Variants in TNR observed in about 807,000 individuals in gnomAD.
TNR encodes tenascin R, also known as tenascin-R.
TNR carries 45 observed loss-of-function variants against 150.4 expected under a neutral mutation model. The ratio of observed to expected loss-of-function variants is 0.30; its 90% CI spans 0.24 to 0.38. The LOEUF (loss-of-function observed/expected upper bound fraction) is 0.38. TNR is among the 10% of genes least tolerant of loss of function. TNR has a pLI of 1.00. For synonymous variants in TNR, 687 were observed against 678.4 expected, an observed-to-expected ratio of 1.01 and a Z score of -0.20; for missense variants, 1,544 against 1,759.1, an observed-to-expected ratio of 0.88 and a Z score of 2.19.
At chr1:175,370,743 A>G (rs1652065376) in intron 9 of TNR, among the ~76,000 whole-genome samples, 1 of 152,214 alleles carries the variant, frequency 6.6e-6, no homozygotes, top group Non-Finnish European at 1.5e-5. Flanking sequence ...AAATTCTCCA[A>G]CATAGATGAA....
intron 1 of TNR, among the ~76,000 whole-genome samples, chr1:175,630,489 A>T (rs1474108393): frequency 6.6e-6 from 1 of 152,220 alleles, no homozygotes; most frequent in Non-Finnish European, 1.5e-5. Context: ...GGCGCTGTAC[A>T]TACTTCACTA....
intron 20 of TNR, among the ~76,000 whole-genome samples, chr1:175,332,520 C>G (rs1480726936): frequency 6.6e-6 from 1 of 152,204 alleles, no homozygotes; most frequent in East Asian, 1.9e-4. Context: ...TGCTTCCAAA[C>G]TACACCACAC....
At chr1:175,494,826 T>C (rs1350006159) in intron 2 of TNR, among the ~76,000 whole-genome samples, 1 of 152,178 alleles carries the variant, frequency 6.6e-6, no homozygotes, top group Non-Finnish European at 1.5e-5. Context: ...CTAGACTCTT[T>C]CTAAGGGATA....
chr1:175,523,328 G>A (rs1005897970), intron 2 of TNR, among the ~76,000 whole-genome samples: 1 of 152,208 alleles, frequency 6.6e-6, no homozygotes, highest in Non-Finnish European at 1.5e-5. Context: ...ACACAATTAT[G>A]CAAATGATGA....
At position 175,599,794 on chromosome 1, in the gene TNR, C is replaced by T. The variant is rs1404129298; in HGVS notation, c.-164-71425G>A. Among the ~76,000 whole-genome samples, 2 of 152,220 alleles carry T rather than the reference C, an allele frequency of 1.3e-5. No homozygotes were observed. Among genetic ancestry groups the T allele is most frequent in the Non-Finnish European group, 2.9e-5 (2 of 68,042 alleles). ...GCAGTCTCACAACCGTTTTCTGTCCCACTTGAAACCAGAAAATACACTTCC... is the reference window on the plus strand; with the variant it reads ...GCAGTCTCACAACCGTTTTCTGTCCTACTTGAAACCAGAAAATACACTTCC... On this transcript the variant is annotated intron_variant, in intron 1 of 22. Transcript: ENST00000367674. This position sits in a 1 kb window ranked among gnomAD's most constrained non-coding sequence, Gnocchi z 4.7.
intron 1 of TNR, among the ~76,000 whole-genome samples, chr1:175,585,747 G>A (rs1354106702): frequency 6.6e-6 from 1 of 152,172 alleles, no homozygotes; most frequent in South Asian, 2.1e-4. Flanking sequence ...CACATGGTCA[G>A]CCTCCCACTT....
intron 1 of TNR, among the ~76,000 whole-genome samples, chr1:175,567,336 C>T (rs756179412): frequency 2.0e-5 from 3 of 152,176 alleles, no homozygotes; most frequent in Non-Finnish European, 4.4e-5. Context: ...GCTGACAGTG[C>T]TGCGGGCTGA....
At chr1:175,361,928 G>T (rs140896806) in intron 14 of TNR, among the ~76,000 whole-genome samples, 1 of 152,286 alleles carries the variant, frequency 6.6e-6, no homozygotes, top group East Asian at 1.9e-4. Flanking sequence ...CATTGCGTGG[G>T]CTTGTTTTCA....
At position 175,508,890 on chromosome 1, in the gene TNR, A is replaced by G. The variant is rs80320003; in HGVS notation, c.-64+19379T>C. On this transcript the variant is annotated intron_variant, in intron 2 of 22. Coordinates refer to ENST00000367674, the MANE Select transcript of TNR (RefSeq NM_003285.3). ...TTAATACAATCATGTACTCAAAACG[A>G]CTTTCTTGTACTTCTCCCTTCTGAC... 5.4e-3 allele frequency among the ~76,000 whole-genome samples: 816 copies of G among 152,158 alleles called. 8 individuals are homozygous for G. The highest frequency in any genetic ancestry group is 0.016 in the African/African-American group (675 of 41,492).
At chr1:175,742,095 T>TG (rs1013131306) in intron 1 of TNR, among the ~76,000 whole-genome samples, 5 of 152,090 alleles carry the variant, frequency 3.3e-5, no homozygotes, top group Admixed American at 2.6e-4. Context: ...CAGGACTGAA[T>TG]GGGGCAGGGG....
intron 1 of TNR, among the ~76,000 whole-genome samples, chr1:175,702,717 G>A (rs1571769229): frequency 1.3e-5 from 2 of 152,326 alleles, no homozygotes; most frequent in East Asian, 3.9e-4. Context: ...CGAGATTTGG[G>A]GTTAGATGTG....
chr1:175,558,273 AAT>A (rs1491012298), intron 1 of TNR, among the ~76,000 whole-genome samples: 70 of 81,406 alleles, frequency 8.6e-4, no homozygotes, highest in Middle Eastern at 6.0e-3. Context: ...AAAGTATAAT[AAT>A]AAAAAAAAAA....
chr1:175,398,378 A>G (rs756118183), intron 4 of TNR, among the ~76,000 whole-genome samples: 1 of 152,240 alleles, frequency 6.6e-6, no homozygotes, highest in Non-Finnish European at 1.5e-5. Flanking sequence ...ATAAAACTCA[A>G]GAAGTGTAAA....
At position 175,576,496 on chromosome 1, in the gene TNR, T is replaced by C. The variant is rs1200548691; in HGVS notation, c.-164-48127A>G. The stretch of plus-strand genomic sequence containing the variant: ...CATCTATCACCAATGATCAGAAATA[T>C]TCTTTCAGGACCAGCCCTGACTGTA... On this transcript the variant is annotated intron_variant, in intron 1 of 22. Transcript: ENST00000367674. 2.0e-5 allele frequency among the ~76,000 whole-genome samples: 3 copies of C among 152,146 alleles called. No homozygotes were observed. In the East Asian group the frequency reaches 5.8e-4, roughly 29 times the overall value.
chr1:175,567,211 T>G (rs1366861053), intron 1 of TNR, among the ~76,000 whole-genome samples: 1 of 152,162 alleles, frequency 6.6e-6, no homozygotes, highest in Non-Finnish European at 1.5e-5. Context: ...GGAACAATAT[T>G]TAAGTGTAAA....
At chr1:175,470,476 C>T (rs1417093665) in intron 2 of TNR, among the ~76,000 whole-genome samples, 2 of 152,020 alleles carry the variant, frequency 1.3e-5, no homozygotes, top group East Asian at 3.9e-4. Flanking sequence ...CCAGCCCTCC[C>T]TTTATGTTAT....
At chr1:175,340,588 T>A (rs1405895991) in intron 18 of TNR, among the ~76,000 whole-genome samples, 1 of 152,210 alleles carries the variant, frequency 6.6e-6, no homozygotes, top group Non-Finnish European at 1.5e-5. Flanking sequence ...TTATTAAAAT[T>A]CAGATTCCTG....
chr1:175,437,176 T>G (rs903604727), intron 2 of TNR, among the ~76,000 whole-genome samples: 2 of 152,300 alleles, frequency 1.3e-5, no homozygotes, highest in Non-Finnish European at 2.9e-5. Context: ...TAACAAACTG[T>G]CTCTCAGACC....
At position 175,491,112 on chromosome 1, in the gene TNR, T is replaced by C. The variant is rs150512383; in HGVS notation, c.-64+37157A>G. On this transcript the variant is annotated intron_variant, in intron 2 of 22. Coordinates refer to ENST00000367674, the MANE Select transcript of TNR (RefSeq NM_003285.3). ...GAAGCCATTGTCCTCTGCAAACTAA[T>C]GCAAGAACAGAGAATCAATCACTGT... is the stretch of plus-strand genomic sequence containing the variant. 5.0e-3 allele frequency among the ~76,000 whole-genome samples: 767 copies of C among 152,266 alleles called. 6 individuals are homozygous for C. Among genetic ancestry groups the C allele is most frequent in the African/African-American group, 0.017 (720 of 41,558 alleles).
Sources: gnomAD v4.1 joint callset for allele counts (sites outside exome capture counted in the v4.1 genomes callset) on GRCh38, gnomAD v4.1.1 for gene constraint, Gnocchi (gnomAD v3.1) non-coding constraint, MANE v1.5 for transcripts, NCBI Gene and HGNC (gene_info 2026-07-23, HGNC 2026-07-21) for gene names.